ERCC6: variants seen among roughly 807,000 people sequenced by gnomAD.
The protein encoded by ERCC6 is ERCC excision repair 6, chromatin remodeling factor.
Under a neutral mutation model 158.7 loss-of-function variants are expected in ERCC6, and 116 were observed. The ratio of observed to expected loss-of-function variants is 0.73; its 90% CI spans 0.63 to 0.85. The LOEUF (loss-of-function observed/expected upper bound fraction) is 0.85, where lower values mean the gene tolerates loss of function less well. Among genes scored for constraint, ERCC6 ranks in the 40% least tolerant of loss-of-function variants. The pLI, the probability that ERCC6 is intolerant of heterozygous loss-of-function variation, is 0.00. For missense variants in ERCC6, 1,698 were observed against 1,799.4 expected (o/e 0.94, Z 1.02); for synonymous variants, 678 against 659.3 (o/e 1.03, Z -0.43).
At chr10:49,440,936 G>A in the ERCC6 span, among the ~76,000 whole-genome samples, 1 of 152,108 alleles carries the variant, frequency 6.6e-6, no homozygotes, top group Admixed American at 6.6e-5. Flanking sequence ...AATGGGAGGT[G>A]GTATGAGAGG....
At chr10:49,435,253 A>G in the ERCC6 span, among the ~76,000 whole-genome samples, 1 of 152,276 alleles carries the variant, frequency 6.6e-6, no homozygotes, top group Non-Finnish European at 1.5e-5. Context: ...TTTAAAATCC[A>G]TATAATAATG....
intron 7 of ERCC6, among the ~76,000 whole-genome samples, chr10:49,493,886 C>G (rs61851014): frequency 2.0e-5 from 3 of 152,198 alleles, no homozygotes; most frequent in African/African-American, 7.2e-5. Context: ...AGCATCCGAG[C>G]GAGTGTTCTC....
chr10:49,483,138 C>T (rs539963591), intron 9 of ERCC6, among the ~76,000 whole-genome samples: 2 of 152,196 alleles, frequency 1.3e-5, no homozygotes, highest in African/African-American at 4.8e-5. Flanking sequence ...CTACAAGAGA[C>T]ATTAAATAAC....
intron 5 of ERCC6, among the ~76,000 whole-genome samples, chr10:49,507,567 G>A (rs1396944610): frequency 6.6e-6 from 1 of 151,940 alleles, no homozygotes; most frequent in Non-Finnish European, 1.5e-5. Context: ...TTATCTCTAG[G>A]TGGCTATAAA....
At chr10:49,529,870 C>T (rs900163381) in intron 3 of ERCC6, among the ~76,000 whole-genome samples, 3 of 152,088 alleles carry the variant, frequency 2.0e-5, no homozygotes, top group African/African-American at 4.8e-5. Flanking sequence ...CAAAGCTGTA[C>T]ATAAATCCTT....
At chr10:49,471,199 G>C (rs1183639323) in intron 16 of ERCC6, 79 bp from the exon 17 acceptor site, 23 of 1,437,266 alleles carry the variant, frequency 1.6e-5, no homozygotes, top group Admixed American at 1.7e-5. Flanking sequence ...CAATATAAGA[G>C]AGAGATGATA....
At position 49,515,778 on chromosome 10, in the gene ERCC6, T is replaced by C. The variant is rs151293836; in HGVS notation, c.1397+8255A>G. ...TTTGATCATGTTTGGCTGCTGAACT[T>C]GTATCTTCTTTTTCAGTTTCTGGGA... is the stretch of plus-strand genomic sequence containing the variant. On this transcript the variant is annotated intron_variant, in intron 5 of 20. Coordinates refer to ENST00000355832, the MANE Select transcript of ERCC6 (RefSeq NM_000124.4). 3.5e-5 allele frequency: 57 copies of C among 1,614,204 alleles called. No homozygotes were observed. The highest frequency in any genetic ancestry group is 3.3e-4 in the Admixed American group (20 of 60,024).
the ERCC6 span, among the ~76,000 whole-genome samples, chr10:49,443,989 C>T: frequency 2.0e-5 from 3 of 152,196 alleles, no homozygotes; most frequent in African/African-American, 4.8e-5. Context: ...CACTGTGAAT[C>T]AAAAACCACA....
intron 8 of ERCC6, among the ~76,000 whole-genome samples, chr10:49,491,715 T>C (rs1851176372): frequency 6.6e-6 from 1 of 152,170 alleles, no homozygotes; most frequent in Admixed American, 6.5e-5. Context: ...CAGGTGAAGG[T>C]GTCCAATACA....
chr10:49,447,711 A>G, the ERCC6 span, among the ~76,000 whole-genome samples: 6 of 151,792 alleles, frequency 4.0e-5, no homozygotes, highest in Admixed American at 6.6e-5. Context: ...CAAAAAAAAA[A>G]AAAGAAAGAA....
At chr10:49,528,297 TAAGGCA>T in intron 4 of ERCC6, 114 bp downstream of exon 4, 1 of 1,211,166 alleles carries the variant, frequency 8.3e-7, no homozygotes, top group Admixed American at 2.0e-5. Flanking sequence ...GTTTTGACAC[TAAGGCA>T]AAGAAACGTA....
chr10:49,434,951 T>G, the ERCC6 span, among the ~76,000 whole-genome samples: 1 of 152,282 alleles, frequency 6.6e-6, no homozygotes, highest in East Asian at 1.9e-4. Flanking sequence ...CTGATGAAAA[T>G]TATCTGTATA....
rs1183907321 is a variant in ERCC6 at position 49,455,789 on chromosome 10, G to T, written c.*3026C>A. ...AATAAACATGGAAATGTTTGATTTT[G>T]TACGTAATCAGGGAAATTCAAGTGA... is the stretch of plus-strand genomic sequence containing the variant. On this transcript the variant is annotated 3_prime_UTR_variant, in exon 21 of 21. Coordinates refer to ENST00000355832, the MANE Select transcript of ERCC6 (RefSeq NM_000124.4). 1 of 152,212 alleles carries T rather than the reference G, an allele frequency of 6.6e-6. No homozygotes were observed. Among genetic ancestry groups the T allele is most frequent in the Non-Finnish European group, 1.5e-5 (1 of 68,044 alleles). 9.4% of individuals were successfully genotyped at this position (152,212 alleles called of 1,614,324 possible).
chr10:49,497,980 C>G (rs1362665854), intron 7 of ERCC6, among the ~76,000 whole-genome samples: 9 of 152,100 alleles, frequency 5.9e-5, no homozygotes, highest in Admixed American at 5.9e-4. Context: ...AAAAAATTAA[C>G]TGAGTTTGAA....
At chr10:49,480,397 A>G (rs1850956080) in intron 10 of ERCC6, among the ~76,000 whole-genome samples, 1 of 152,146 alleles carries the variant, frequency 6.6e-6, no homozygotes, top group South Asian at 2.1e-4. Flanking sequence ...TCATTTTAGC[A>G]CCAGCATGAC....
downstream of ERCC6, among the ~76,000 whole-genome samples, chr10:49,451,238 G>A (rs1035502959): frequency 9.6e-6 from 1 of 104,346 alleles, no homozygotes; most frequent in African/African-American, 3.6e-5. Flanking sequence ...CATGTCATTT[G>A]TGAACAGTCT....
chr10:49,532,307 T>C (rs1837487289), intron 2 of ERCC6, among the ~76,000 whole-genome samples: 1 of 152,172 alleles, frequency 6.6e-6, no homozygotes, highest in South Asian at 2.1e-4. Flanking sequence ...ACATTATGCA[T>C]GCAACTGGCT....
chr10:49,478,805 T>C (rs958044911), intron 10 of ERCC6, among the ~76,000 whole-genome samples: 1 of 152,234 alleles, frequency 6.6e-6, no homozygotes, highest in African/African-American at 2.4e-5. Flanking sequence ...AGAGACTTAC[T>C]GGGTTCTTGA....
chr10:49,486,864 G>A (rs562763489), intron 8 of ERCC6, among the ~76,000 whole-genome samples: 13 of 152,262 alleles, frequency 8.5e-5, no homozygotes, highest in African/African-American at 3.1e-4. Flanking sequence ...ATTGTTACAA[G>A]GCTAGCAAAC....
Sources: gnomAD v4.1 joint callset for allele counts (sites outside exome capture counted in the v4.1 genomes callset) on GRCh38, gnomAD v4.1.1 for gene constraint, MANE v1.5 for transcripts, NCBI Gene and HGNC (gene_info 2026-07-23, HGNC 2026-07-21) for gene names.